CACNA1B: variants seen among roughly 807,000 people sequenced by gnomAD.
CACNA1B encodes calcium voltage-gated channel subunit alpha1 B.
CACNA1B carries 70 observed loss-of-function variants against 247.2 expected under a neutral mutation model. The observed-to-expected ratio is 0.28, with a 90% confidence interval of 0.23 to 0.35. The LOEUF (loss-of-function observed/expected upper bound fraction) is 0.35. Among genes scored for constraint, CACNA1B ranks in the 10% least tolerant of loss-of-function variants. CACNA1B has a pLI of 1.00. For synonymous variants in CACNA1B, 1,231 were observed against 1,294.4 expected (o/e 0.95, Z 1.05); for missense variants, 2,367 against 3,197.4 (o/e 0.74, Z 6.26).
rs201618873 is a variant in CACNA1B at position 138,122,221 on chromosome 9, C to T, written c.*222C>T. 2 of 588,120 alleles carry T rather than the reference C, an allele frequency of 3.4e-6. No homozygotes were observed. The highest frequency in any genetic ancestry group is 5.6e-5 in the East Asian group (2 of 35,772). 36.4% of individuals were successfully genotyped at this position (588,120 alleles called of 1,614,324 possible). ...TCTGTCCCCTTCCTGTCCTGCCTTC[C>T]TGGGTCTCGTACCACACACCAGACC... On this transcript the variant is annotated 3_prime_UTR_variant, in exon 47 of 47. Coordinates refer to ENST00000371372, the MANE Select transcript of CACNA1B (RefSeq NM_000718.4).
At position 137,969,148 on chromosome 9, in the gene CACNA1B, G is replaced by A. The variant is rs138883042; in HGVS notation, c.1334-2235G>A. Reference sequence around the variant, plus strand: ...TGTCTTGGGTGCTGCTGGGGTTGCTGAGCTGGGATGTGAGGGGCTGCACCC... The same window carrying A: ...TGTCTTGGGTGCTGCTGGGGTTGCTAAGCTGGGATGTGAGGGGCTGCACCC... On this transcript the variant is annotated intron_variant, in intron 10 of 46. Transcript: ENST00000371372. Among the ~76,000 whole-genome samples the A allele has an allele frequency of 7.0e-3, 1,064 of 152,334 alleles. 4 individuals are homozygous for A. Among genetic ancestry groups the A allele is most frequent in the Non-Finnish European group, 0.012 (799 of 68,018 alleles).
intron 31 of CACNA1B, chr9:138,068,498 C>T (rs1283499641): frequency 2.2e-6 from 1 of 464,630 alleles, no homozygotes; most frequent in Non-Finnish European, 4.3e-6. Flanking sequence ...GTTGTGTTTC[C>T]CAGTGGCTGC....
At chr9:137,935,452 C>A (rs1289483654) in intron 6 of CACNA1B, among the ~76,000 whole-genome samples, 2 of 152,166 alleles carry the variant, frequency 1.3e-5, no homozygotes, top group Non-Finnish European at 2.9e-5. Flanking sequence ...TTTATGGCTG[C>A]ATAGTATTCC....
chr9:137,894,564 A>G (rs1957151042), intron 3 of CACNA1B, among the ~76,000 whole-genome samples: 1 of 151,534 alleles, frequency 6.6e-6, no homozygotes, highest in African/African-American at 2.4e-5. Flanking sequence ...GCCCGCCACC[A>G]CGCCCGGCTC....
At chr9:137,992,004 A>G (rs1047669596) in intron 15 of CACNA1B, among the ~76,000 whole-genome samples, 3 of 152,198 alleles carry the variant, frequency 2.0e-5, no homozygotes, top group African/African-American at 7.2e-5. Flanking sequence ...CACAAATCCA[A>G]CAGAACCTCT....
intron 6 of CACNA1B, among the ~76,000 whole-genome samples, chr9:137,920,324 G>A (rs909444678): frequency 6.6e-6 from 1 of 152,114 alleles, no homozygotes; most frequent in Non-Finnish European, 1.5e-5. Context: ...AGCCTCCTAA[G>A]TAGCTGGGAT....
intron 26 of CACNA1B, among the ~76,000 whole-genome samples, chr9:138,056,933 G>GCTT (rs561137267): frequency 1.8e-5 from 2 of 113,496 alleles, no homozygotes; most frequent in Non-Finnish European, 3.4e-5. Context: ...TTTTATTTGG[G>GCTT]TTTTTTTTTT....
chr9:138,114,427 C>T lies in CACNA1B; in HGVS notation c.5586C>T (p.Asp1862=), dbSNP rs930130497. Residue 1862 remains aspartate, a synonymous_variant, in exon 41 of 47, where the codon GAC becomes GAT. Coordinates refer to ENST00000371372, the MANE Select transcript of CACNA1B (RefSeq NM_000718.4). ...TTTATGCAGCTCTGATGATATTCGA[C>T]TTCTACAAGCAGAACAAAACCACCA... The part of the protein sequence containing the change: ...GKVYAALMIF[D]FYKQNKTTRD... 2 of 1,594,730 alleles carry T rather than the reference C, an allele frequency of 1.3e-6. No homozygotes were observed. Among genetic ancestry groups the T allele is most frequent in the Non-Finnish European group, 1.7e-6 (2 of 1,169,810 alleles).
At chr9:138,003,098 A>G (rs191789368) in intron 15 of CACNA1B, among the ~76,000 whole-genome samples, 1 of 150,558 alleles carries the variant, frequency 6.6e-6, no homozygotes, top group Non-Finnish European at 1.5e-5. Flanking sequence ...GCCTGGCCCA[A>G]ATTTCTTTTT....
chr9:137,947,111 T>G (rs1022800538), intron 6 of CACNA1B, among the ~76,000 whole-genome samples: 6 of 152,160 alleles, frequency 3.9e-5, no homozygotes, highest in African/African-American at 1.4e-4. Context: ...TTGGTTACAC[T>G]CTATGTAAAT....
intron 7 of CACNA1B, among the ~76,000 whole-genome samples, chr9:137,953,511 G>C (rs1957903335): frequency 6.6e-6 from 1 of 152,168 alleles, no homozygotes; most frequent in South Asian, 2.1e-4. Flanking sequence ...TAAAGGGTGT[G>C]ATTGTCATTA....
At position 138,122,124 on chromosome 9, in the gene CACNA1B, G is replaced by T; in HGVS notation, c.*125G>T. 3 of 811,704 alleles carry T rather than the reference G, an allele frequency of 3.7e-6. No homozygotes were observed. The highest frequency in any genetic ancestry group is 1.9e-6 in the Non-Finnish European group (1 of 528,208). 50.3% of individuals were successfully genotyped at this position (811,704 alleles called of 1,614,324 possible). ...TGCCCACCTTGGTGAGGCTCCTGTG[G>T]CCCCTCCCTCCCCCTCCTCCCCTCT... On this transcript the variant is annotated 3_prime_UTR_variant, in exon 47 of 47. Transcript: ENST00000371372.
chr9:138,090,325 C>T (rs1014331721), intron 36 of CACNA1B, among the ~76,000 whole-genome samples: 6 of 152,004 alleles, frequency 3.9e-5, no homozygotes, highest in South Asian at 2.1e-4. Context: ...CTTCAATAAA[C>T]GATGGTAGGG....
intron 34 of CACNA1B, among the ~76,000 whole-genome samples, chr9:138,075,105 T>C (rs1336167084): frequency 6.6e-6 from 1 of 152,162 alleles, no homozygotes; most frequent in Non-Finnish European, 1.5e-5. Context: ...GGGACCCGAG[T>C]GTTAATTTGT....
chr9:137,905,826 C>T (rs11137298), intron 3 of CACNA1B, among the ~76,000 whole-genome samples: 2,830 of 152,316 alleles, frequency 0.019, 33 homozygotes, highest in Non-Finnish European at 0.029. Flanking sequence ...TATGCTGGTT[C>T]GCTGAAGACA....
intron 21 of CACNA1B, 26 bp from the exon 22 acceptor site, chr9:138,046,878 G>T (rs1414428077): frequency 1.9e-6 from 3 of 1,608,774 alleles, no homozygotes; most frequent in Admixed American, 3.3e-5. Context: ...GGGGGGCCTT[G>T]TGGTGATCCG....
chr9:137,964,735 T>C (rs1349649410), intron 10 of CACNA1B, among the ~76,000 whole-genome samples: 1 of 152,204 alleles, frequency 6.6e-6, no homozygotes, highest in African/African-American at 2.4e-5. Flanking sequence ...TTCTGAGCCC[T>C]TGCTGGAGAG....
intron 15 of CACNA1B, among the ~76,000 whole-genome samples, chr9:138,006,137 TGGAGTTGGTCAC>T (rs1482024517): frequency 6.6e-6 from 1 of 151,946 alleles, no homozygotes; most frequent in Non-Finnish European, 1.5e-5. Context: ...GATCCCTGGT[TGGAGTTGGTCAC>T]GGGGAGGGGG....
chr9:138,031,290 T>C (rs1017888456), intron 20 of CACNA1B, among the ~76,000 whole-genome samples: 1 of 152,214 alleles, frequency 6.6e-6, no homozygotes, highest in African/African-American at 2.4e-5. Context: ...TGTTTAGAAG[T>C]GTGTTGTTTA....
Sources: allele counts gnomAD v4.1 joint callset (sites outside exome capture counted in the v4.1 genomes callset), GRCh38; gene constraint gnomAD v4.1.1; transcripts MANE v1.5; gene names NCBI Gene and HGNC (gene_info 2026-07-23, HGNC 2026-07-21).